The following FHIT variants were observed in gnomAD, a reference collection of about 807,000 sequenced individuals.
FHIT encodes the protein fragile histidine triad diadenosine triphosphatase, also known as bis(5'-adenosyl)-triphosphatase.
A neutral mutation model predicts 17.9 loss-of-function variants in FHIT; 19 were observed. The ratio of observed to expected loss-of-function variants is 1.06; its 90% CI spans 0.74 to 1.56. The LOEUF (loss-of-function observed/expected upper bound fraction) is 1.56, where lower values mean the gene tolerates loss of function less well. Ranked by LOEUF, FHIT falls within the 40% of genes most tolerant of loss-of-function variation. The pLI is 0.00. For synonymous variants in FHIT, 81 were observed against 69.7 expected (o/e 1.16, Z -0.81); for missense variants, 248 against 189.2 (o/e 1.31, Z -1.82).
intron 3 of FHIT, among the ~76,000 whole-genome samples, chr3:61,038,557 C>A (rs1249513507): frequency 6.6e-6 from 1 of 152,132 alleles, no homozygotes; most frequent in Non-Finnish European, 1.5e-5. Context: ...CAATGTGGAG[C>A]TGGATTAGAC....
Position 61,152,959 on chromosome 3 carries a change from C to T in FHIT, c.-164+47658G>A, listed in dbSNP as rs555263617. Among the ~76,000 whole-genome samples, 296 of 152,040 alleles carry T rather than the reference C, an allele frequency of 1.9e-3. 3 individuals are homozygous for T. The highest frequency in any genetic ancestry group is 6.8e-3 in the African/African-American group (283 of 41,484). On this transcript the variant is annotated intron_variant, in intron 2 of 9. Transcript: ENST00000492590. ...GAGATCGAGACCATCCTGGCTAACACGGTGAAATCCCATCTCTACTAAAAA... is the reference window on the plus strand; with the variant it reads ...GAGATCGAGACCATCCTGGCTAACATGGTGAAATCCCATCTCTACTAAAAA...
At chr3:60,827,154 G>C (rs1553741291) in intron 3 of FHIT, among the ~76,000 whole-genome samples, 1 of 152,220 alleles carries the variant, frequency 6.6e-6, no homozygotes, top group Non-Finnish European at 1.5e-5. Flanking sequence ...TGGAGAGAGA[G>C]TCTGTGAAGG....
chr3:60,569,756 T>TATATATATTTTA (rs1491532042), intron 4 of FHIT, among the ~76,000 whole-genome samples: 1 of 28,674 alleles, frequency 3.5e-5, no homozygotes, highest in Non-Finnish European at 6.7e-5. Context: ...TATATATATA[T>TATATATATTTTA]TTTTTTTTTT....
chr3:60,629,373 A>G (rs1304555402), intron 4 of FHIT, among the ~76,000 whole-genome samples: 1 of 152,156 alleles, frequency 6.6e-6, no homozygotes, highest in African/African-American at 2.4e-5. Flanking sequence ...TTGATTTGTC[A>G]TATTCCATTA....
intron 5 of FHIT, among the ~76,000 whole-genome samples, chr3:60,356,943 T>C (rs191447262): frequency 2.0e-5 from 3 of 152,210 alleles, no homozygotes; most frequent in Admixed American, 2.0e-4. Flanking sequence ...CATAGATCAA[T>C]ACCAAACAAC....
chr3:61,206,879 G>T (rs2039254362), intron 1 of FHIT, among the ~76,000 whole-genome samples: 1 of 152,132 alleles, frequency 6.6e-6, no homozygotes, highest in Non-Finnish European at 1.5e-5. Flanking sequence ...GTGAGAGAGG[G>T]CATCCCTGTC....
At position 61,209,749 on chromosome 3, in the gene FHIT, T is replaced by G. The variant is rs546138217; in HGVS notation, c.-212-9084A>C. 1.7e-3 allele frequency among the ~76,000 whole-genome samples: 262 copies of G among 152,312 alleles called. 1 individual carries two copies. Among genetic ancestry groups the G allele is most frequent in the Non-Finnish European group, 3.1e-3 (210 of 68,028 alleles). On this transcript the variant is annotated intron_variant, in intron 1 of 9. Transcript: ENST00000492590. ...TCAAGGTTTTTAACTTCTTTGCCAT[T>G]GGTTCGAACTTCCTCCTTTAGCTCG...
chr3:60,223,466 G>T (rs1480289393), intron 5 of FHIT, among the ~76,000 whole-genome samples: 1 of 152,218 alleles, frequency 6.6e-6, no homozygotes. Context: ...TCTTTCCTAA[G>T]GTGGTAATCC....
chr3:60,031,386 G>A (rs1442398444), intron 5 of FHIT, among the ~76,000 whole-genome samples: 1 of 152,184 alleles, frequency 6.6e-6, no homozygotes, highest in Non-Finnish European at 1.5e-5. Flanking sequence ...CATTGCAAAG[G>A]CAGTCATTCT....
chr3:60,769,449 G>A (rs189579933), intron 4 of FHIT, among the ~76,000 whole-genome samples: 61 of 152,162 alleles, frequency 4.0e-4, no homozygotes, highest in East Asian at 3.7e-3. Context: ...CAACTCAAGT[G>A]AAAAATGCTT....
chr3:60,421,427 T>A (rs1702460918), intron 5 of FHIT, among the ~76,000 whole-genome samples: 1 of 152,196 alleles, frequency 6.6e-6, no homozygotes, highest in African/African-American at 2.4e-5. Flanking sequence ...ATAGCACAGA[T>A]GTTTTCAGAT....
intron 5 of FHIT, among the ~76,000 whole-genome samples, chr3:60,361,807 A>C (rs1259914072): frequency 6.6e-6 from 1 of 152,214 alleles, no homozygotes; most frequent in African/African-American, 2.4e-5. Flanking sequence ...ACCAAAGGGC[A>C]ATAGTAAAGG....
chr3:59,832,532 G>A (rs1701200881), intron 8 of FHIT, among the ~76,000 whole-genome samples: 1 of 152,184 alleles, frequency 6.6e-6, no homozygotes, highest in African/African-American at 2.4e-5. Context: ...AAATGAGGTT[G>A]CAAGGCTTAA....
chr3:60,174,797 C>T (rs1315421330), intron 5 of FHIT, among the ~76,000 whole-genome samples: 1 of 152,008 alleles, frequency 6.6e-6, no homozygotes, highest in Non-Finnish European at 1.5e-5. Flanking sequence ...AAACGCCATG[C>T]CCACTCAGCA....
intron 2 of FHIT, among the ~76,000 whole-genome samples, chr3:61,179,952 A>C (rs1358445435): frequency 2.0e-5 from 3 of 152,170 alleles, no homozygotes; most frequent in Non-Finnish European, 4.4e-5. Context: ...TACAAATCCT[A>C]TAGCATGTTA....
intron 3 of FHIT, among the ~76,000 whole-genome samples, chr3:60,915,286 C>T (rs141128006): frequency 1.1e-3 from 169 of 152,216 alleles, no homozygotes; most frequent in South Asian, 2.5e-3. Flanking sequence ...CTCAGGGCCT[C>T]CTGATACCAC....
At chr3:60,822,532 G>A (rs142768018) in intron 3 of FHIT, among the ~76,000 whole-genome samples, 234 of 152,166 alleles carry the variant, frequency 1.5e-3, no homozygotes, top group African/African-American at 5.5e-3. Context: ...AAGAAACATG[G>A]GTTTTTTTGG....
rs561397147 is a variant in FHIT at position 60,690,695 on chromosome 3, C to T, written c.-18+131224G>A. ...AAGGGCTCGCTATTGACAGCAATGT[C>T]GAAGAAAACAGTGGGGTTGACCATA... On this transcript the variant is annotated intron_variant, in intron 4 of 9. Transcript: ENST00000492590. The T allele has an allele frequency of 2.2e-5, 10 of 458,156 alleles. 1 individual carries two copies. The highest frequency in any genetic ancestry group is 3.6e-4 in the Middle Eastern group (1 of 2,768). The allele number at this position is 458,156 out of a possible 1,614,324, so 28.4% of individuals were successfully genotyped here. A position where few individuals can be genotyped will look rare whatever the true frequency, so the allele number is the denominator to read the frequency against.
intron 7 of FHIT, among the ~76,000 whole-genome samples, chr3:59,958,474 T>C (rs901811265): frequency 6.6e-6 from 1 of 152,186 alleles, no homozygotes; most frequent in Non-Finnish European, 1.5e-5. Context: ...TCTTACAGAC[T>C]GATTCTCTCC....
Sources: gnomAD v4.1 joint callset for allele counts (sites outside exome capture counted in the v4.1 genomes callset) on GRCh38, gnomAD v4.1.1 for gene constraint, MANE v1.5 for transcripts, NCBI Gene and HGNC (gene_info 2026-07-23, HGNC 2026-07-21) for gene names.